The following ZYG11A variants were observed in gnomAD, a reference collection of about 807,000 sequenced individuals.
ZYG11A encodes zyg-11 family member A, cell cycle regulator.
Under a neutral mutation model 77.2 loss-of-function variants are expected in ZYG11A, and 62 were observed. The observed-to-expected ratio is 0.80, with a 90% CI of 0.65 to 0.99. ZYG11A has a LOEUF of 0.99. ZYG11A is among the 50% of genes least tolerant of loss of function. The probability of loss-of-function intolerance (pLI) is 0.00; values close to 1 mark genes in which losing one functional copy is unlikely to be tolerated. For missense variants in ZYG11A, 828 were observed against 896.8 expected (o/e 0.92, Z 0.98); for synonymous variants, 315 against 324.6 (o/e 0.97, Z 0.32).
At chr1:52,847,480 A>G (rs909212290) in intron 1 of ZYG11A, among the ~76,000 whole-genome samples, 9 of 149,700 alleles carry the variant, frequency 6.0e-5, no homozygotes, top group Non-Finnish European at 1.3e-4. Context: ...GATTACAGGC[A>G]TGACATGAGC....
chr1:52,863,330 A>C (rs1645964132), intron 4 of ZYG11A, among the ~76,000 whole-genome samples: 1 of 152,028 alleles, frequency 6.6e-6, no homozygotes, highest in African/African-American at 2.4e-5. Context: ...ACCATTTTTC[A>C]AATTCTTCTC....
chr1:52,847,618 T>C (rs1645616159), intron 1 of ZYG11A, among the ~76,000 whole-genome samples: 1 of 151,860 alleles, frequency 6.6e-6, no homozygotes, highest in Non-Finnish European at 1.5e-5. Context: ...CATTTTCATA[T>C]TTGAAAGATG....
Position 52,867,750 on chromosome 1 carries a change from G to C in ZYG11A, c.1515G>C (p.Gln505His). ...ALQLSPEQTA[Q>H]LEELFMAVKE... ...AGCTCTCACCTGAGCAAACGGCACA[G>C]CTTGAAGAGCTTTTCATGGCAGTTA... is the stretch of plus-strand genomic sequence containing the variant. Residue 505 changes from glutamine (Q) to histidine (H), a missense_variant, in exon 8 of 14, where the codon CAG becomes CAC. Physicochemically the swap from Gln to His is conservative, Grantham distance 24. Transcript: ENST00000371528. 2 of 1,551,514 alleles carry C rather than the reference G, an allele frequency of 1.3e-6. No homozygotes were observed. Among genetic ancestry groups the C allele is most frequent in the Non-Finnish European group, 1.7e-6 (2 of 1,146,960 alleles).
intron 8 of ZYG11A, among the ~76,000 whole-genome samples, chr1:52,869,901 G>C (rs1302518059): frequency 3.4e-5 from 5 of 145,748 alleles, no homozygotes; most frequent in Non-Finnish European, 1.5e-5. Flanking sequence ...GGCTGGCCGG[G>C]CAGGGGGCTG....
At chr1:52,855,920 T>C (rs1442604365) in intron 2 of ZYG11A, among the ~76,000 whole-genome samples, 1 of 152,240 alleles carries the variant, frequency 6.6e-6, no homozygotes, top group African/African-American at 2.4e-5. Flanking sequence ...CTAAACTTTC[T>C]CTGCTCCATA....
chr1:52,846,121 T>A (rs1645572606), intron 1 of ZYG11A, among the ~76,000 whole-genome samples: 1 of 151,496 alleles, frequency 6.6e-6, no homozygotes, highest in Non-Finnish European at 1.5e-5. Context: ...TTTCTCTCCC[T>A]TTCTCCTTCT....
At chr1:52,872,895 A>AAAG (rs1646194161) in intron 8 of ZYG11A, among the ~76,000 whole-genome samples, 2 of 61,494 alleles carry the variant, frequency 3.3e-5, no homozygotes, top group African/African-American at 9.8e-5. Context: ...AAAAAAAAAA[A>AAAG]AAAAGAAAAG....
chr1:52,850,296 C>A (rs1263216331), intron 1 of ZYG11A, among the ~76,000 whole-genome samples: 1 of 151,362 alleles, frequency 6.6e-6, no homozygotes, highest in South Asian at 2.1e-4. Flanking sequence ...GACTTACAGG[C>A]GCAAGCACCG....
chr1:52,866,833 CT>C (rs1335265030), intron 6 of ZYG11A, among the ~76,000 whole-genome samples: 1 of 152,072 alleles, frequency 6.6e-6, no homozygotes, highest in Non-Finnish European at 1.5e-5. Context: ...TATAAGTTTC[CT>C]CATTTGTAAA....
chr1:52,855,197 T>A (rs1409859424), intron 2 of ZYG11A, among the ~76,000 whole-genome samples: 3 of 44,950 alleles, frequency 6.7e-5, no homozygotes, highest in Admixed American at 1.7e-4. Flanking sequence ...CTTGCTGTAG[T>A]CTTGTTTACC....
chr1:52,894,947 A>G lies in ZYG11A; in HGVS notation c.*1990A>G, dbSNP rs1006547783. Reference sequence around the variant, plus strand: ...TTTCAAGTTCTGTGTCATTCACAACAATCCTCACGGGTAGGTGAGTTTTAT... The same window carrying G: ...TTTCAAGTTCTGTGTCATTCACAACGATCCTCACGGGTAGGTGAGTTTTAT... On this transcript the variant is annotated 3_prime_UTR_variant, in exon 14 of 14. Coordinates refer to ENST00000371528, the MANE Select transcript of ZYG11A (RefSeq NM_001004339.3). 1.3e-5 allele frequency: 2 copies of G among 152,212 alleles called. No homozygotes were observed. Among genetic ancestry groups the G allele is most frequent in the Non-Finnish European group, 2.9e-5 (2 of 68,044 alleles). The allele number at this position is 152,212 out of a possible 1,614,324, so 9.4% of individuals were successfully genotyped here. A position where few individuals can be genotyped will look rare whatever the true frequency, so the allele number is the denominator to read the frequency against.
At position 52,873,229 on chromosome 1, in the gene ZYG11A, C is replaced by T. The variant is rs762886390; in HGVS notation, c.1543-4453C>T. Among the ~76,000 whole-genome samples, 7 of 152,258 alleles carry T rather than the reference C, an allele frequency of 4.6e-5. No homozygotes were observed. In the South Asian group the frequency reaches 6.2e-4, roughly 14 times the overall value. ...CAGGAGGCTGAGATGGGAAGATCAC[C>T]GGAACCCAGGGAGATTGAAGCTGCA... On this transcript the variant is annotated intron_variant, in intron 8 of 13. Transcript: ENST00000371528.
intron 2 of ZYG11A, among the ~76,000 whole-genome samples, chr1:52,856,536 G>A (rs531407714): frequency 8.6e-5 from 13 of 151,962 alleles, no homozygotes; most frequent in African/African-American, 2.9e-4. Flanking sequence ...AGGAAAATGA[G>A]GCCCAGAGAG....
rs1240643646 is a variant in ZYG11A at position 52,842,850 on chromosome 1, GCT to G, written c.-29_-28del. 5.3e-6 allele frequency: 8 copies of G among 1,523,170 alleles called. No individual in the cohort carries two copies. Among genetic ancestry groups the G allele is most frequent in the Admixed American group, 2.1e-5 (1 of 47,844 alleles). The allele number at this position is 1,523,170 out of a possible 1,614,324, so 94.4% of individuals were successfully genotyped here. A position where few individuals can be genotyped will look rare whatever the true frequency, so the allele number is the denominator to read the frequency against. Reference sequence around the variant, plus strand: ...GGATCCGGGCTCCGGCTCGACGCCGGCTCTCTTTTTGACGCCCCGCCGCCGGG... The same window carrying G: ...GGATCCGGGCTCCGGCTCGACGCCGGCTCTTTTTGACGCCCCGCCGCCGGG... On this transcript the variant is annotated 5_prime_UTR_variant, in exon 1 of 14. Coordinates refer to ENST00000371528, the MANE Select transcript of ZYG11A (RefSeq NM_001004339.3).
intron 1 of ZYG11A, among the ~76,000 whole-genome samples, chr1:52,846,372 A>C (rs1645585698): frequency 8.0e-6 from 1 of 125,158 alleles, no homozygotes; most frequent in African/African-American, 3.0e-5. Flanking sequence ...ATATATTTTG[A>C]AACAGAGTCT....
intron 8 of ZYG11A, among the ~76,000 whole-genome samples, chr1:52,871,326 TC>T (rs1646160971): frequency 6.6e-6 from 1 of 152,142 alleles, no homozygotes; most frequent in East Asian, 1.9e-4. Context: ...TTCTTTTTTT[TC>T]TTTGGAATTT....
chr1:52,893,086 T>C lies in ZYG11A; in HGVS notation c.*129T>C, dbSNP rs1170153906. ...CATTGGCCTTTGATTGTTGATTTTA[T>C]ATATGTTACAAAAGGTTGGATTTGT... On this transcript the variant is annotated 3_prime_UTR_variant, in exon 14 of 14. Transcript: ENST00000371528. 12 of 814,052 alleles carry C rather than the reference T, an allele frequency of 1.5e-5. No homozygotes were observed. Among genetic ancestry groups the C allele is most frequent in the Non-Finnish European group, 1.9e-6 (1 of 531,938 alleles). 50.4% of individuals were successfully genotyped at this position (814,052 alleles called of 1,614,324 possible).
rs1271382042 is a variant in ZYG11A, at chr1:52,877,955, G to A, written c.1735G>A (p.Val579Ile). The part of the protein sequence containing the change: ...TFSESAIQSK[V>I]LGLLNNIAEV... ...TTCAGAGTCAGCAATACAAAGCAAA[G>A]TACTTGGTCTTTTGGTAAGGTGAAT... The change falls in exon 10 of 14, where the codon GTA (valine) becomes ATA (isoleucine). Residue 579 changes from valine (V) to isoleucine (I), a missense_variant. By Grantham distance (29) the Val-to-Ile change is conservative (BLOSUM62 3). Transcript: ENST00000371528. 1 of 1,551,518 alleles carries A rather than the reference G, an allele frequency of 6.4e-7. No homozygotes were observed. Among genetic ancestry groups the A allele is most frequent in the South Asian group, 1.2e-5 (1 of 84,054 alleles).
At chr1:52,849,211 A>AGTAGCTGGGATT (rs1645657173) in intron 1 of ZYG11A, among the ~76,000 whole-genome samples, 1 of 149,950 alleles carries the variant, frequency 6.7e-6, no homozygotes, top group African/African-American at 2.5e-5. Flanking sequence ...TTGGGATTAC[A>AGTAGCTGGGATT]GGCGCGTGCC....
Sources: gnomAD v4.1 joint callset for allele counts (sites outside exome capture counted in the v4.1 genomes callset) on GRCh38, gnomAD v4.1.1 for gene constraint, MANE v1.5 for transcripts, NCBI Gene and HGNC (gene_info 2026-07-23, HGNC 2026-07-21) for gene names.